CNTN6: variants seen among roughly 807,000 people sequenced by gnomAD.
The protein encoded by CNTN6 is contactin 6.
In CNTN6, 137 loss-of-function variants were observed where a neutral mutation model predicts 122.8. That is an observed-to-expected ratio of 1.12 (90% CI 0.97 to 1.29). The LOEUF (loss-of-function observed/expected upper bound fraction) is 1.29. Among genes scored for constraint, CNTN6 ranks in the 50% most tolerant of loss-of-function variants. The pLI is 0.00. For missense variants in CNTN6, 1,634 were observed against 1,223.4 expected, an observed-to-expected ratio of 1.34 and a Z score of -5.01; for synonymous variants, 570 against 426.0, an observed-to-expected ratio of 1.34 and a Z score of -4.16.
intron 4 of CNTN6, among the ~76,000 whole-genome samples, chr3:1,256,050 T>C (rs1341265977): frequency 6.6e-6 from 1 of 151,980 alleles, no homozygotes; most frequent in Non-Finnish European, 1.5e-5. Flanking sequence ...TAAGATTTTT[T>C]TGTAGAGACA....
intron 5 of CNTN6, among the ~76,000 whole-genome samples, chr3:1,285,422 G>A (rs1213514577): frequency 6.6e-6 from 1 of 152,150 alleles, no homozygotes; most frequent in African/African-American, 2.4e-5. Flanking sequence ...AAGGGTGAAA[G>A]TTTCTAGCAG....
chr3:1,248,110 G>A (rs1202929876), intron 4 of CNTN6, among the ~76,000 whole-genome samples: 1 of 152,176 alleles, frequency 6.6e-6, no homozygotes, highest in East Asian at 1.9e-4. Context: ...ACCAATTTCA[G>A]AAAACTAGGT....
At chr3:1,113,994 G>A (rs2171765) in intron 1 of CNTN6, among the ~76,000 whole-genome samples, 142,299 of 152,222 alleles carry the variant, frequency 0.93, 66,618 homozygotes, top group East Asian at 0.99. Context: ...AGAGATTTTC[G>A]TGCACAGAGG....
Position 1,325,829 on chromosome 3 carries a change from G to C in CNTN6, c.961G>C (p.Glu321Gln). ...QLIFYAPPEW[E>Q]QKIQNTHLSI... ...TTTTGAAACAGCTCCTCCAGAATGG[G>C]AACAGAAAATCCAAAATACACACCT... The change falls in exon 9 of 23, where the codon GAA (glutamate) becomes CAA (glutamine). Residue 321 changes from glutamate to glutamine, a missense_variant. Transcript: ENST00000446702. 3.7e-6 allele frequency: 6 copies of C among 1,609,954 alleles called. No individual in the cohort carries two copies. The highest frequency in any genetic ancestry group is 5.1e-6 in the Non-Finnish European group (6 of 1,178,076).
intron 12 of CNTN6, among the ~76,000 whole-genome samples, chr3:1,360,714 A>G (rs1001577193): frequency 1.3e-5 from 2 of 152,018 alleles, no homozygotes; most frequent in African/African-American, 4.8e-5. Context: ...CCCAAACTCA[A>G]ATCAAGCTAA....
At chr3:1,235,037 T>C (rs2094403753) in intron 4 of CNTN6, among the ~76,000 whole-genome samples, 1 of 152,216 alleles carries the variant, frequency 6.6e-6, no homozygotes. Context: ...TTAGCCTCAT[T>C]TTTTCCCACA....
chr3:1,293,281 C>T (rs1251964849), intron 5 of CNTN6, among the ~76,000 whole-genome samples: 1 of 151,068 alleles, frequency 6.6e-6, no homozygotes, highest in Non-Finnish European at 1.5e-5. Context: ...TTCTTCCTTC[C>T]TAAAATCTCA....
intron 7 of CNTN6, among the ~76,000 whole-genome samples, chr3:1,304,945 C>G (rs997443299): frequency 7.3e-6 from 1 of 137,724 alleles, no homozygotes; most frequent in Non-Finnish European, 1.5e-5. Flanking sequence ...GAGCTGAGAT[C>G]GTGCTGCTGC....
At position 1,182,686 on chromosome 3, in the gene CNTN6, T is replaced by C. The variant is rs557341985; in HGVS notation, c.55+34623T>C. 3.3e-5 allele frequency among the ~76,000 whole-genome samples: 5 copies of C among 151,558 alleles called. No individual in the cohort carries two copies. The East Asian group carries it at 7.7e-4, about 23-fold the overall frequency. On this transcript the variant is annotated intron_variant, in intron 2 of 22. Coordinates refer to ENST00000446702, the MANE Select transcript of CNTN6 (RefSeq NM_001289080.2). ...GTTATACCATGTATCACACATTTCA[T>C]ATGAGTAAAAGAACAGAAAATTGAT...
intron 2 of CNTN6, among the ~76,000 whole-genome samples, chr3:1,209,773 T>C (rs973051757): frequency 6.6e-6 from 1 of 152,170 alleles, no homozygotes; most frequent in Non-Finnish European, 1.5e-5. Flanking sequence ...AGTATCTTTA[T>C]ACCTGAATTA....
In CNTN6 at chr3:1,372,560, C is replaced by G; in HGVS notation, c.1668+86C>G. The G allele has an allele frequency of 2.6e-6, 3 of 1,142,532 alleles. No individual in the cohort carries two copies. In the South Asian group the frequency reaches 4.9e-5, roughly 19 times the overall value. The allele number at this position is 1,142,532 out of a possible 1,614,324, so 70.8% of individuals were successfully genotyped here. On this transcript the variant is annotated intron_variant, in intron 13 of 22. Transcript: ENST00000446702. ...CATTTTTCATAGTTACTCTCTCCAT[C>G]TTTATTTGCATGGATAATCACTGAC...
intron 1 of CNTN6, among the ~76,000 whole-genome samples, chr3:1,140,986 C>G (rs919950502): frequency 3.3e-5 from 5 of 152,278 alleles, no homozygotes; most frequent in African/African-American, 1.2e-4. Flanking sequence ...GCTACTTGGC[C>G]TAACTTAATG....
intron 20 of CNTN6, among the ~76,000 whole-genome samples, chr3:1,387,710 G>T (rs985368532): frequency 6.6e-6 from 1 of 152,200 alleles, no homozygotes. Context: ...TGAGCGCACC[G>T]TGCGCAAGCC....
chr3:1,349,561 C>A (rs1190454122), intron 11 of CNTN6, among the ~76,000 whole-genome samples: 1 of 151,754 alleles, frequency 6.6e-6, no homozygotes, highest in East Asian at 1.9e-4. Context: ...GTTACCAAAA[C>A]CATCAATTAA....
chr3:1,113,308 T>TA (rs1261600793), intron 1 of CNTN6, among the ~76,000 whole-genome samples: 4 of 152,140 alleles, frequency 2.6e-5, no homozygotes, highest in African/African-American at 9.7e-5. Flanking sequence ...TTCATCTTAC[T>TA]AAAAAAGATG....
At chr3:1,212,189 G>C (rs993285261) in intron 2 of CNTN6, among the ~76,000 whole-genome samples, 1 of 150,590 alleles carries the variant, frequency 6.6e-6, no homozygotes, top group African/African-American at 2.4e-5. Flanking sequence ...TTATTACTTA[G>C]AAACATTTAT....
At chr3:1,161,749 AAT>A (rs60499031) in intron 2 of CNTN6, among the ~76,000 whole-genome samples, 2,779 of 143,602 alleles carry the variant, frequency 0.019, 86 homozygotes, top group African/African-American at 0.065. Context: ...TGCCCTTAGG[AAT>A]ATATATATAT....
intron 5 of CNTN6, among the ~76,000 whole-genome samples, chr3:1,291,422 T>A (rs1283675241): frequency 2.6e-5 from 4 of 152,174 alleles, no homozygotes; most frequent in Non-Finnish European, 2.9e-5. Flanking sequence ...GATTACAGGT[T>A]GAAGAATACA....
chr3:1,282,353 G>A lies in CNTN6; in HGVS notation c.454+3845G>A, dbSNP rs185345669. On this transcript the variant is annotated intron_variant, in intron 5 of 22. Transcript: ENST00000446702. The stretch of plus-strand genomic sequence containing the variant: ...CGGAAAGGTTATTCTAGCAGAGAAG[G>A]CATCACAGTGCAAAAGAAAAATAAC... Among the ~76,000 whole-genome samples the A allele has an allele frequency of 2.5e-4, 38 of 152,312 alleles. No individual in the cohort carries two copies. The South Asian group carries it at 5.8e-3, about 23-fold the overall frequency.
Sources: gnomAD v4.1 joint callset for allele counts (sites outside exome capture counted in the v4.1 genomes callset) on GRCh38, gnomAD v4.1.1 for gene constraint, MANE v1.5 for transcripts, NCBI Gene and HGNC (gene_info 2026-07-23, HGNC 2026-07-21) for gene names.